The following PLK5 variants were observed in gnomAD, a reference collection of about 807,000 sequenced individuals.
PLK5 encodes polo like kinase 5 (inactive).
PLK5 carries 28 observed loss-of-function variants against 33.7 expected under a neutral mutation model. The ratio of observed to expected loss-of-function variants is 0.83; its 90% CI spans 0.62 to 1.14. The LOEUF (loss-of-function observed/expected upper bound fraction) is 1.14, where lower values mean the gene tolerates loss of function less well. Among genes scored for constraint, PLK5 ranks in the 50% most tolerant of loss-of-function variants. The pLI, the probability that PLK5 is intolerant of heterozygous loss-of-function variation, is 0.00. For missense variants in PLK5, 492 were observed against 461.5 expected, an observed-to-expected ratio of 1.07 and a Z score of -0.61; for synonymous variants, 225 against 202.2, an observed-to-expected ratio of 1.11 and a Z score of -0.96.
intron 11 of PLK5, among the ~76,000 whole-genome samples, chr19:1,530,842 TCTC>T (rs917432490): frequency 7.3e-4 from 111 of 151,316 alleles, no homozygotes; most frequent in African/African-American, 2.6e-3. Flanking sequence ...ATGGTCTCGA[TCTC>T]CTGACCTCGT....
chr19:1,526,693 C>T lies in PLK5; in HGVS notation c.-182-11C>T, dbSNP rs940373245. 10 of 470,708 alleles carry T rather than the reference C, an allele frequency of 2.1e-5. No individual in the cohort carries two copies. The highest frequency in any genetic ancestry group is 3.1e-5 in the Non-Finnish European group (8 of 255,664). 29.2% of individuals were successfully genotyped at this position (470,708 alleles called of 1,614,324 possible). ...ATCCACCCCCATGCGCAATGCCCCT[C>T]CCACTGCCAGGTAACTTCTTCCTTA... On this transcript the variant is annotated splice_polypyrimidine_tract_variant and intron_variant, in intron 4 of 13. Transcript: ENST00000454744.
intron 5 of PLK5, 23 bp from the exon 6 acceptor site, chr19:1,526,880 G>T: frequency 7.8e-7 from 1 of 1,288,526 alleles, no homozygotes; most frequent in Non-Finnish European, 1.1e-6. Context: ...GCCTTCCTGA[G>T]CCCCCCATGA....
At chr19:1,530,255 C>A (rs1913887603) in intron 11 of PLK5, among the ~76,000 whole-genome samples, 1 of 152,074 alleles carries the variant, frequency 6.6e-6, no homozygotes, top group African/African-American at 2.4e-5. Context: ...GAGCCCCAAA[C>A]CCCACGCCAG....
chr19:1,526,668 A>G, intron 4 of PLK5, 36 bp from the exon 5 acceptor site: 1 of 407,068 alleles, frequency 2.5e-6, no homozygotes, highest in Non-Finnish European at 4.6e-6. Context: ...GTGGGCACGG[A>G]TCCACCCCCA....
chr19:1,531,563 G>A (rs539787223), intron 11 of PLK5, among the ~76,000 whole-genome samples, 175 bp from the exon 12 acceptor site: 21 of 152,226 alleles, frequency 1.4e-4, no homozygotes, highest in East Asian at 3.9e-4. Flanking sequence ...TTACGGTTCC[G>A]TGGCTTCTGT....
chr19:1,532,093 G>A (rs1236126562), intron 12 of PLK5, among the ~76,000 whole-genome samples: 1 of 152,196 alleles, frequency 6.6e-6, no homozygotes, highest in African/African-American at 2.4e-5. Flanking sequence ...GTGAATCTCA[G>A]TAGTGTGGGT....
chr19:1,532,875 C>G (rs1913972830), intron 12 of PLK5, among the ~76,000 whole-genome samples: 1 of 151,718 alleles, frequency 6.6e-6, no homozygotes, highest in African/African-American at 2.4e-5. Flanking sequence ...ACTGTGTTAG[C>G]CAGGATGGTC....
At chr19:1,533,005 G>GGTCC in intron 12 of PLK5, among the ~76,000 whole-genome samples, 2 of 151,244 alleles carry the variant, frequency 1.3e-5, no homozygotes, top group Non-Finnish European at 2.9e-5. Flanking sequence ...GCAAGGGTAT[G>GGTCC]CATCAGTAGG....
At chr19:1,525,930 G>A (rs1385285852) in intron 3 of PLK5, among the ~76,000 whole-genome samples, 1 of 151,272 alleles carries the variant, frequency 6.6e-6, no homozygotes, top group African/African-American at 2.4e-5. Context: ...CCCAGCTTAC[G>A]CTGTGCTCAT....
At chr19:1,535,032 G>C in intron 13 of PLK5, 33 bp from the exon 14 acceptor site, 1 of 1,478,140 alleles carries the variant, frequency 6.8e-7, no homozygotes, top group African/African-American at 1.4e-5. Flanking sequence ...AGGGGTACCC[G>C]TCTCCCCTTG....
chr19:1,527,042 G>T (rs745504144), intron 6 of PLK5, 44 bp downstream of exon 6: 11 of 1,033,512 alleles, frequency 1.1e-5, no homozygotes, highest in South Asian at 2.8e-5. Context: ...TCCGGGGGGG[G>T]CAGGTGTGGC....
intron 3 of PLK5, among the ~76,000 whole-genome samples, 174 bp from the exon 4 acceptor site, chr19:1,526,312 C>A (rs1402673818): frequency 6.6e-6 from 1 of 152,056 alleles, no homozygotes; most frequent in Non-Finnish European, 1.5e-5. Context: ...TTCGTGCCCC[C>A]CCTCAGTGGC....
chr19:1,534,751 AGCTTGCAGTG>A (rs1914043198), intron 13 of PLK5, among the ~76,000 whole-genome samples: 2 of 150,332 alleles, frequency 1.3e-5, no homozygotes, highest in Admixed American at 1.3e-4. Flanking sequence ...CGGGAGGCGG[AGCTTGCAGTG>A]AGCCGAGATC....
At chr19:1,532,165 T>G (rs1470360694) in intron 12 of PLK5, among the ~76,000 whole-genome samples, 1 of 152,074 alleles carries the variant, frequency 6.6e-6, no homozygotes, top group Non-Finnish European at 1.5e-5. Flanking sequence ...GCCCTGTGCT[T>G]TGGGAGGCCA....
chr19:1,531,704 A>G (rs1913933158), intron 11 of PLK5, 34 bp from the exon 12 acceptor site: 1 of 1,533,558 alleles, frequency 6.5e-7, no homozygotes, highest in African/African-American at 1.4e-5. Context: ...CTGACCCCTG[A>G]CCCCTGGCTC....
At position 1,535,071 on chromosome 19, in the gene PLK5, T is replaced by C. The variant is rs1240502075; in HGVS notation, c.832T>C (p.Phe278Leu). 4 of 1,528,300 alleles carry C rather than the reference T, an allele frequency of 2.6e-6. No individual in the cohort carries two copies. The highest frequency in any genetic ancestry group is 3.5e-6 in the Non-Finnish European group (4 of 1,143,730). 94.7% of individuals were successfully genotyped at this position (1,528,300 alleles called of 1,614,324 possible). The part of the protein sequence containing the change: ...LFSNGMVQVS[F>L]SGVPAQLVLS... ...GGTATCTTACCCTTTGCAGGTGAGCTTCAGTGGAGTCCCGGCCCAACTGGT... is the reference window on the plus strand; with the variant it reads ...GGTATCTTACCCTTTGCAGGTGAGCCTCAGTGGAGTCCCGGCCCAACTGGT... Residue 278 changes from phenylalanine to leucine, a missense_variant, in exon 14 of 14, where the codon TTC becomes CTC. Physicochemically the swap from Phe to Leu is conservative, Grantham distance 22. Coordinates refer to ENST00000454744, the MANE Select transcript of PLK5 (RefSeq NM_001243079.2).
intron 9 of PLK5, among the ~76,000 whole-genome samples, 154 bp from the exon 10 acceptor site, chr19:1,529,252 C>T (rs1034527977): frequency 3.3e-5 from 5 of 152,302 alleles, no homozygotes; most frequent in Non-Finnish European, 5.9e-5. Context: ...TGTATGCCTC[C>T]GAGACACTCC....
rs556475019 is a variant in PLK5, at chr19:1,535,798, A to G, written c.*548A>G. The G allele has an allele frequency of 2.5e-4, 40 of 159,256 alleles. No homozygotes were observed. Among genetic ancestry groups the G allele is most frequent in the Non-Finnish European group, 3.6e-4 (26 of 73,072 alleles). The allele number at this position is 159,256 out of a possible 1,614,324, so 9.9% of individuals were successfully genotyped here. A position where few individuals can be genotyped will look rare whatever the true frequency, so the allele number is the denominator to read the frequency against. ...GCTGAGATGGGAGGATGGCGTGAGC[A>G]TGGGAGGTTGAGGCTGCAGTGAGCT... On this transcript the variant is annotated 3_prime_UTR_variant, in exon 14 of 14. Coordinates refer to ENST00000454744, the MANE Select transcript of PLK5 (RefSeq NM_001243079.2).
intron 7 of PLK5, 23 bp from the exon 8 acceptor site, chr19:1,528,279 T>A: frequency 6.5e-7 from 1 of 1,535,872 alleles, no homozygotes; most frequent in East Asian, 2.4e-5. Flanking sequence ...AAGCCGGGGA[T>A]AACCCCAAAT....
Sources: gnomAD v4.1 joint callset for allele counts (sites outside exome capture counted in the v4.1 genomes callset) on GRCh38, gnomAD v4.1.1 for gene constraint, MANE v1.5 for transcripts, NCBI Gene and HGNC (gene_info 2026-07-23, HGNC 2026-07-21) for gene names.